Variants in XIAP observed in about 807,000 individuals in gnomAD.
XIAP encodes X-linked inhibitor of apoptosis.
XIAP carries 3 observed loss-of-function variants against 33.1 expected under a neutral mutation model. The ratio of observed to expected loss-of-function variants is 0.09; its 90% CI spans 0.04 to 0.23. The LOEUF is 0.23. XIAP is among the 10% of genes least tolerant of loss of function. XIAP has a pLI of 1.00. For synonymous variants in XIAP, 98 were observed against 121.3 expected (o/e 0.81, Z 1.26); for missense variants, 264 against 363.0 (o/e 0.73, Z 2.22).
chrX:123,889,044 G>A, intron 3 of XIAP, among the ~76,000 whole-genome samples: 1 of 105,762 alleles, frequency 9.5e-6, no homozygotes, highest in African/African-American at 3.5e-5. Flanking sequence ...TCAGTCTCCT[G>A]AGTAGCTGGG....
At chrX:123,876,705 T>TTAAATAAA (rs779561599) in intron 1 of XIAP, among the ~76,000 whole-genome samples, 147 of 107,249 alleles carry the variant, frequency 1.4e-3, no homozygotes, top group Middle Eastern at 4.9e-3. Context: ...GCCTTGTCTT[T>TTAAATAAA]TAAATAAATA....
In XIAP at chrX:123,863,666, G is replaced by A. The variant is rs763944625; in HGVS notation, c.-33+3373G>A. Among the ~76,000 whole-genome samples, 5 of 110,197 alleles carry A rather than the reference G, an allele frequency of 4.5e-5. No homozygotes were observed. In the East Asian group the frequency reaches 1.2e-3, roughly 26 times the overall value. On this transcript the variant is annotated intron_variant, in intron 1 of 6. Coordinates refer to ENST00000371199, the MANE Select transcript of XIAP (RefSeq NM_001167.4). ...TGGGATTACAGGCATGCGCCACCAC[G>A]CCCGGCTAATTTTGTATTTTCAGTG...
intron 5 of XIAP, among the ~76,000 whole-genome samples, chrX:123,897,630 T>C (rs965571489): frequency 1.8e-5 from 2 of 111,340 alleles, no homozygotes; most frequent in African/African-American, 3.3e-5. Flanking sequence ...TAGTGCGATC[T>C]TGGCTCACTG....
intron 1 of XIAP, among the ~76,000 whole-genome samples, chrX:123,867,276 G>T (rs1316424955): frequency 9.3e-6 from 1 of 107,237 alleles, no homozygotes; most frequent in East Asian, 2.9e-4. Flanking sequence ...TTTCACCATG[G>T]TCTCCATCTC....
In XIAP at chrX:123,911,321, T is replaced by TA. The variant is rs2053600420; in HGVS notation, c.*4141dup. On this transcript the variant is annotated 3_prime_UTR_variant, in exon 7 of 7. Coordinates refer to ENST00000371199, the MANE Select transcript of XIAP (RefSeq NM_001167.4). The stretch of plus-strand genomic sequence containing the variant: ...GGAGAAACCCCGTCTCTACTAAAAA[T>TA]ACAAAATTAGCTGGGCGTGGTGGCT... The TA allele has an allele frequency of 3.5e-6, 1 of 281,911 alleles. No individual in the cohort carries two copies. Among genetic ancestry groups the TA allele is most frequent in the Non-Finnish European group, 6.6e-6 (1 of 151,602 alleles). 23.2% of individuals were successfully genotyped at this position (281,911 alleles called of 1,213,427 possible). A position where few individuals can be genotyped will look rare whatever the true frequency, so the allele number is the denominator to read the frequency against.
chrX:123,893,701 C>T (rs1032137097), intron 5 of XIAP, among the ~76,000 whole-genome samples: 3 of 111,077 alleles, frequency 2.7e-5, no homozygotes, highest in Non-Finnish European at 3.8e-5. Context: ...ATTAGCCGGG[C>T]GTGATGGTGT....
At chrX:123,899,375 CAT>C (rs2053496842) in intron 5 of XIAP, among the ~76,000 whole-genome samples, 1 of 102,743 alleles carries the variant, frequency 9.7e-6, no homozygotes, top group African/African-American at 3.5e-5. Flanking sequence ...TGAATTTTAA[CAT>C]ATATATGTTA....
chrX:123,861,056 C>CT (rs756533032), intron 1 of XIAP, among the ~76,000 whole-genome samples: 1 of 111,345 alleles, frequency 9.0e-6, no homozygotes, highest in African/African-American at 3.3e-5. Context: ...CTTTCTTATT[C>CT]TTTTTTTTCC....
intron 1 of XIAP, among the ~76,000 whole-genome samples, chrX:123,864,197 TCTC>T (rs933408851): frequency 1.2e-4 from 13 of 110,813 alleles, no homozygotes; most frequent in African/African-American, 4.2e-4. Flanking sequence ...AAATAAATGT[TCTC>T]CTTTTATTTC....
chrX:123,901,816 A>G (rs1569479373), intron 6 of XIAP, among the ~76,000 whole-genome samples: 1 of 110,853 alleles, frequency 9.0e-6, no homozygotes, highest in Non-Finnish European at 1.9e-5. Flanking sequence ...TTTAATTGTC[A>G]TCTTTCTTTC....
intron 5 of XIAP, among the ~76,000 whole-genome samples, chrX:123,894,444 A>G (rs535032260): frequency 8.9e-6 from 1 of 112,252 alleles, no homozygotes; most frequent in African/African-American, 3.2e-5. Context: ...CCCACTTCCT[A>G]AACTGGTACC....
In XIAP at chrX:123,910,222, C is replaced by CCT. The variant is rs1263334488; in HGVS notation, c.*3041_*3042insCT. The CCT allele has an allele frequency of 9.1e-6, 3 of 327,872 alleles. No homozygotes were observed. Among genetic ancestry groups the CCT allele is most frequent in the Non-Finnish European group, 1.8e-5 (3 of 169,759 alleles). 27.0% of individuals were successfully genotyped at this position (327,872 alleles called of 1,213,427 possible). ...TAATAGCTTTATATTGCCTTTCCTG[C>CCT]TACATTTGGTTTTTTCCCCTGTCCC... On this transcript the variant is annotated 3_prime_UTR_variant, in exon 7 of 7. Coordinates refer to ENST00000371199, the MANE Select transcript of XIAP (RefSeq NM_001167.4).
At chrX:123,876,797 C>T (rs1264696292) in intron 1 of XIAP, among the ~76,000 whole-genome samples, 1 of 111,942 alleles carries the variant, frequency 8.9e-6, no homozygotes, top group Non-Finnish European at 1.9e-5. Context: ...CAATGTTAGG[C>T]AGTCTTCCTA....
At chrX:123,869,089 A>G (rs1195467142) in intron 1 of XIAP, among the ~76,000 whole-genome samples, 1 of 110,952 alleles carries the variant, frequency 9.0e-6, no homozygotes, top group Admixed American at 9.9e-5. Context: ...ATGTTGAACC[A>G]AGTGGATTAA....
chrX:123,896,549 G>A (rs1467066034), intron 5 of XIAP, among the ~76,000 whole-genome samples: 2 of 107,810 alleles, frequency 1.9e-5, no homozygotes, highest in Non-Finnish European at 3.8e-5. Context: ...TTTATGATTT[G>A]CAAGTATTTT....
chrX:123,885,971 G>A lies in XIAP; in HGVS notation c.309G>A (p.Thr103=), dbSNP rs140230812. ...INGFYLENSA[T]QSTNSGIQNG... is the part of the protein sequence containing the mutation. ...GCTTTTATCTTGAAAATAGTGCCAC[G>A]CAGTCTACAAATTCTGGTATCCAGA... Residue 103 remains threonine, a synonymous_variant, in exon 2 of 7, where the codon ACG becomes ACA. Coordinates refer to ENST00000371199, the MANE Select transcript of XIAP (RefSeq NM_001167.4). The A allele has an allele frequency of 3.0e-4, 365 of 1,210,018 alleles. No homozygotes were observed. Among genetic ancestry groups the A allele is most frequent in the East Asian group, 1.5e-3 (50 of 33,781 alleles).
rs2148065594 is a variant in XIAP, at chrX:123,860,141, A to T, written c.-185A>T. 3.0e-6 allele frequency: 1 copy of T among 328,044 alleles called. No homozygotes were observed. Among genetic ancestry groups the T allele is most frequent in the Non-Finnish European group, 5.9e-6 (1 of 169,613 alleles). 27.0% of individuals were successfully genotyped at this position (328,044 alleles called of 1,213,427 possible). On this transcript the variant is annotated 5_prime_UTR_variant, in exon 1 of 7. Coordinates refer to ENST00000371199, the MANE Select transcript of XIAP (RefSeq NM_001167.4). ...CCGGTAGAGGCGCGTGAGGGAGACG[A>T]AGGGACTTCCGTTTCCTTCACCTAG...
At position 123,913,576 on chromosome X, in the gene XIAP, G is replaced by A; in HGVS notation, c.*6395G>A. 3.1e-6 allele frequency: 1 copy of A among 324,685 alleles called. No individual in the cohort carries two copies. The highest frequency in any genetic ancestry group is 2.7e-5 in the South Asian group (1 of 37,024). The allele number at this position is 324,685 out of a possible 1,213,427, so 26.8% of individuals were successfully genotyped here. On this transcript the variant is annotated 3_prime_UTR_variant, in exon 7 of 7. Transcript: ENST00000371199. Reference sequence around the variant, plus strand: ...GCAGATATGCCTATAGATTTTTGGAGTTTACCACTTTCTTATTCTGTATCA... The same window carrying A: ...GCAGATATGCCTATAGATTTTTGGAATTTACCACTTTCTTATTCTGTATCA...
In XIAP at chrX:123,911,203, C is replaced by T. The variant is rs995923983; in HGVS notation, c.*4022C>T. 18 of 322,269 alleles carry T rather than the reference C, an allele frequency of 5.6e-5. No homozygotes were observed. The highest frequency in any genetic ancestry group is 4.4e-4 in the Admixed American group (14 of 31,573). The allele number at this position is 322,269 out of a possible 1,213,427, so 26.6% of individuals were successfully genotyped here. On this transcript the variant is annotated 3_prime_UTR_variant, in exon 7 of 7. Coordinates refer to ENST00000371199, the MANE Select transcript of XIAP (RefSeq NM_001167.4). ...ATAGATAAGATATAAATCAGCTGGG[C>T]GCGGTGGCTCATGCCTGTAATCCCA...
Sources: allele counts gnomAD v4.1 joint callset (sites outside exome capture counted in the v4.1 genomes callset), GRCh38; gene constraint gnomAD v4.1.1; transcripts MANE v1.5; gene names NCBI Gene and HGNC (gene_info 2026-07-23, HGNC 2026-07-21).